NEK10: variants seen among roughly 807,000 people sequenced by gnomAD.
NEK10 encodes serine/threonine-protein kinase Nek10.
NEK10 carries 122 observed loss-of-function variants against 159.8 expected under a neutral mutation model. The ratio of observed to expected loss-of-function variants is 0.76; its 90% confidence interval spans 0.66 to 0.89. The LOEUF (loss-of-function observed/expected upper bound fraction) is 0.89. Among genes scored for constraint, NEK10 ranks in the 40% least tolerant of loss-of-function variants. NEK10 has a pLI of 0.00. For missense variants in NEK10, 1,342 were observed against 1,323.1 expected (o/e 1.01, Z -0.22); for synonymous variants, 466 against 457.1 (o/e 1.02, Z -0.25).
At chr3:27,240,414 A>G (rs899919202) in intron 23 of NEK10, among the ~76,000 whole-genome samples, 1 of 151,712 alleles carries the variant, frequency 6.6e-6, no homozygotes, top group Non-Finnish European at 1.5e-5. Context: ...CTAAATAATT[A>G]TGGTGATTTC....
intron 1 of NEK10, among the ~76,000 whole-genome samples, chr3:27,365,610 G>GTTTTTTTTTTTTTTTTTT (rs71091129): frequency 6.1e-5 from 6 of 99,122 alleles, no homozygotes; most frequent in East Asian, 3.4e-4. Context: ...TTTTTTTTGT[G>GTTTTTTTTTTTTTTTTTT]TTTTTTTTTT....
At chr3:27,253,256 C>T (rs1275338896) in intron 23 of NEK10, among the ~76,000 whole-genome samples, 1 of 152,072 alleles carries the variant, frequency 6.6e-6, no homozygotes, top group African/African-American at 2.4e-5. Context: ...TTTTATACAT[C>T]ATACTAGCTT....
At chr3:27,221,481 T>C (rs938382052) in intron 23 of NEK10, among the ~76,000 whole-genome samples, 2 of 152,216 alleles carry the variant, frequency 1.3e-5, no homozygotes, top group Admixed American at 6.5e-5. Flanking sequence ...ATGTAGGAGA[T>C]TGGAACCTTC....
intron 23 of NEK10, among the ~76,000 whole-genome samples, chr3:27,245,116 A>T (rs1954927286): frequency 6.6e-6 from 1 of 152,070 alleles, no homozygotes; most frequent in Admixed American, 6.5e-5. Context: ...CATCATTTCT[A>T]TCTCCTAGTT....
At chr3:27,129,091 T>G (rs987773587) in intron 32 of NEK10, among the ~76,000 whole-genome samples, 1 of 152,184 alleles carries the variant, frequency 6.6e-6, no homozygotes, top group African/African-American at 2.4e-5. Flanking sequence ...CTGAAAATCC[T>G]AGTTCCCAAG....
At chr3:27,280,912 G>GGTGTGTGT (rs148929788) in intron 22 of NEK10, among the ~76,000 whole-genome samples, 6,655 of 137,662 alleles carry the variant, frequency 0.048, 264 homozygotes, top group African/African-American at 0.11. Flanking sequence ...ATGTACATAT[G>GGTGTGTGT]GTGTGTGTGT....
At chr3:27,290,827 G>C in intron 18 of NEK10, 73 bp from the exon 19 acceptor site, 3 of 1,179,646 alleles carry the variant, frequency 2.5e-6, no homozygotes, top group Non-Finnish European at 3.6e-6. Flanking sequence ...GAGGAAGAAA[G>C]AGATAGACTA....
At chr3:27,307,403 C>A (rs1218696654) in intron 11 of NEK10, among the ~76,000 whole-genome samples, 1 of 152,026 alleles carries the variant, frequency 6.6e-6, no homozygotes, top group African/African-American at 2.4e-5. Context: ...AAAATGAATC[C>A]ATTTTACTCT....
At position 27,293,603 on chromosome 3, in the gene NEK10, C is replaced by G; in HGVS notation, c.1358G>C (p.Arg453Thr). 1 of 1,561,820 alleles carries G rather than the reference C, an allele frequency of 6.4e-7. No individual in the cohort carries two copies. Among genetic ancestry groups the G allele is most frequent in the East Asian group, 2.2e-5 (1 of 44,570 alleles). Residue 453 changes from arginine to threonine, a missense_variant, in exon 16 of 36, where the codon AGA becomes ACA. Transcript: ENST00000691995. ...LRFLFSMERNRPLFKRLFPTD... is the reference protein window; with the variant it reads ...LRFLFSMERNTPLFKRLFPTD... The stretch of plus-strand genomic sequence containing the variant: ...AACCTCATACCTTTTAAAGAGTGGT[C>G]TGTTTCTTTCCATACTGAAGAGAAA...
intron 23 of NEK10, among the ~76,000 whole-genome samples, chr3:27,227,316 A>G (rs1269677607): frequency 6.6e-6 from 1 of 152,192 alleles, no homozygotes; most frequent in African/African-American, 2.4e-5. Context: ...GGTCGGTTAC[A>G]GGAACACAGG....
At chr3:27,177,305 A>G (rs894783119) in intron 26 of NEK10, among the ~76,000 whole-genome samples, 1 of 152,122 alleles carries the variant, frequency 6.6e-6, no homozygotes, top group Admixed American at 6.5e-5. Flanking sequence ...GCACTTTGGG[A>G]GGCTGAGGCA....
intron 23 of NEK10, among the ~76,000 whole-genome samples, chr3:27,220,151 T>G (rs138318960): frequency 6.6e-5 from 10 of 152,346 alleles, no homozygotes; most frequent in South Asian, 2.1e-4. Context: ...TGCATTAGTT[T>G]CCTCTTGTTG....
intron 13 of NEK10, among the ~76,000 whole-genome samples, chr3:27,301,179 C>A (rs1273447314): frequency 6.6e-6 from 1 of 152,192 alleles, no homozygotes. Flanking sequence ...CTCAAGGTGG[C>A]CCTGCCAAAA....
chr3:27,173,339 A>G lies in NEK10; in HGVS notation c.2776+1100T>C, dbSNP rs1464881998. The stretch of plus-strand genomic sequence containing the variant: ...AACCCTCCCACCATTGCTGCCAGGT[A>G]TATAGAACACTGAACTTATCTCAAA... On this transcript the variant is annotated intron_variant, in intron 28 of 35. Transcript: ENST00000691995. Among the ~76,000 whole-genome samples the G allele has an allele frequency of 3.9e-5, 6 of 152,200 alleles. No homozygotes were observed. In the East Asian group the frequency reaches 1.2e-3, roughly 29 times the overall value.
chr3:27,276,410 C>A (rs1001281788), intron 22 of NEK10, among the ~76,000 whole-genome samples: 1 of 151,968 alleles, frequency 6.6e-6, no homozygotes, highest in Non-Finnish European at 1.5e-5. Context: ...GCATTCCAGG[C>A]AGAGGGATGG....
chr3:27,146,507 A>G (rs1944311575), intron 30 of NEK10, among the ~76,000 whole-genome samples: 1 of 152,230 alleles, frequency 6.6e-6, no homozygotes, highest in Non-Finnish European at 1.5e-5. Context: ...CAAAACACAC[A>G]TGAGCTTCTC....
At chr3:27,111,570 C>G (rs1376827136) in intron 35 of NEK10, among the ~76,000 whole-genome samples, 2 of 152,154 alleles carry the variant, frequency 1.3e-5, no homozygotes, top group Non-Finnish European at 2.9e-5. Context: ...AACAAATATT[C>G]ATTCAAAATA....
At chr3:27,284,113 T>C (rs6762125) in intron 22 of NEK10, among the ~76,000 whole-genome samples, 39,104 of 152,072 alleles carry the variant, frequency 0.26, 5,201 homozygotes, top group Middle Eastern at 0.38. Context: ...TGGCCGGGCA[T>C]TGGGGCTCAC....
At chr3:27,308,243 C>G (rs2044397859) in intron 10 of NEK10, among the ~76,000 whole-genome samples, 3 of 152,166 alleles carry the variant, frequency 2.0e-5, no homozygotes, top group Non-Finnish European at 4.4e-5. Flanking sequence ...CACTCACTAT[C>G]ATGAGAACAG....
Sources: gnomAD v4.1 joint callset for allele counts (sites outside exome capture counted in the v4.1 genomes callset) on GRCh38, gnomAD v4.1.1 for gene constraint, MANE v1.5 for transcripts, NCBI Gene and HGNC (gene_info 2026-07-23, HGNC 2026-07-21) for gene names.